FAM227B: variants seen among roughly 807,000 people sequenced by gnomAD.
FAM227B encodes family with sequence similarity 227 member B, also known as protein FAM227B.
FAM227B carries 88 observed loss-of-function variants against 73.8 expected under a neutral mutation model. The ratio of observed to expected loss-of-function variants is 1.19; its 90% confidence interval spans 1.00 to 1.42. The LOEUF is 1.42. Among genes scored for constraint, FAM227B ranks in the 40% most tolerant of loss-of-function variants. The pLI, the probability that FAM227B is intolerant of heterozygous loss-of-function variation, is 0.00. For synonymous variants in FAM227B, 210 were observed against 190.5 expected (o/e 1.10, Z -0.84); for missense variants, 632 against 590.9 (o/e 1.07, Z -0.72).
chr15:49,620,370 GT>G (rs543437509), intron 1 of FAM227B, among the ~76,000 whole-genome samples: 137 of 152,266 alleles, frequency 9.0e-4, no homozygotes, highest in African/African-American at 3.1e-3. Context: ...TGACCATTGT[GT>G]TTTAAAATCT....
At chr15:49,599,823 C>T (rs938873471) in intron 3 of FAM227B, among the ~76,000 whole-genome samples, 21 of 151,960 alleles carry the variant, frequency 1.4e-4, no homozygotes, top group African/African-American at 4.6e-4. Flanking sequence ...TTTTGTGGCC[C>T]AATATATAAT....
chr15:49,610,750 C>T (rs1247018366), intron 3 of FAM227B, among the ~76,000 whole-genome samples: 2 of 152,030 alleles, frequency 1.3e-5, no homozygotes, highest in South Asian at 2.1e-4. Flanking sequence ...TAACCCCAGG[C>T]GAAGTCAGTA....
intron 3 of FAM227B, among the ~76,000 whole-genome samples, chr15:49,591,613 G>A (rs2076582997): frequency 6.8e-6 from 1 of 147,596 alleles, no homozygotes; most frequent in South Asian, 2.2e-4. Context: ...AGCCTCCCAA[G>A]TAGCTGGGAT....
At chr15:49,602,056 A>G (rs1475543349) in intron 3 of FAM227B, among the ~76,000 whole-genome samples, 2 of 152,176 alleles carry the variant, frequency 1.3e-5, no homozygotes, top group Non-Finnish European at 2.9e-5. Context: ...ATGGACACTT[A>G]AGATTGCTTC....
chr15:49,535,377 A>T (rs1329210048), intron 10 of FAM227B, among the ~76,000 whole-genome samples: 2 of 151,800 alleles, frequency 1.3e-5, no homozygotes, highest in African/African-American at 4.8e-5. Flanking sequence ...ATCAGGAAGA[A>T]ATAGGAAGCT....
chr15:49,609,885 T>C (rs1444680763), intron 3 of FAM227B, among the ~76,000 whole-genome samples: 6 of 152,056 alleles, frequency 3.9e-5, no homozygotes, highest in South Asian at 4.1e-4. Flanking sequence ...ATGATACAGA[T>C]GGATATGTTG....
chr15:49,328,883 T>C, intron 15 of FAM227B: 2 of 1,312,230 alleles, frequency 1.5e-6, no homozygotes, highest in Non-Finnish European at 1.9e-6. Context: ...CTTTTGGCCC[T>C]GAGCTATCTC....
At chr15:49,361,237 T>C (rs1011042106) in intron 13 of FAM227B, among the ~76,000 whole-genome samples, 5 of 152,146 alleles carry the variant, frequency 3.3e-5, no homozygotes, top group African/African-American at 7.2e-5. Flanking sequence ...TTACCTATGA[T>C]GCAAATTTTT....
rs1427314850 is a variant in FAM227B, at chr15:49,525,699, T to C, written c.874+15981A>G. Among the ~76,000 whole-genome samples, 61 of 64,120 alleles carry C rather than the reference T, an allele frequency of 9.5e-4. 4 individuals carry two copies. The East Asian group carries it at 0.015, about 16-fold the overall frequency. 42.1% of individuals were successfully genotyped at this position (64,120 alleles called of 152,430 possible). On this transcript the variant is annotated intron_variant, in intron 10 of 15. Transcript: ENST00000299338. ...ATATATATATATATATATATATATA[T>C]ATATATATATATATATATATCACAA...
rs796357827 is a variant in FAM227B, at chr15:49,551,598, TTATTGG to T, written c.748-9798_748-9793del. Among the ~76,000 whole-genome samples the T allele has an allele frequency of 2.0e-3, 300 of 152,322 alleles. 1 individual carries two copies. The highest frequency in any genetic ancestry group is 6.9e-3 in the African/African-American group (287 of 41,570). The stretch of plus-strand genomic sequence containing the variant: ...TTTAGTCCACTTACACTCAATATTA[TTATTGG>T]TAAGTAAGGGTTTACTTCTGTGATT... On this transcript the variant is annotated intron_variant, in intron 9 of 15. Transcript: ENST00000299338.
chr15:49,446,124 A>G (rs758087607), intron 11 of FAM227B, among the ~76,000 whole-genome samples: 1 of 151,596 alleles, frequency 6.6e-6, no homozygotes, highest in Non-Finnish European at 1.5e-5. Context: ...TAATTAGTGT[A>G]TTATAATTGG....
At chr15:49,570,904 G>A (rs1041921713) in intron 8 of FAM227B, among the ~76,000 whole-genome samples, 2 of 146,002 alleles carry the variant, frequency 1.4e-5, no homozygotes, top group South Asian at 4.3e-4. Context: ...ATATTATTAT[G>A]AATATATTTA....
chr15:49,598,487 A>G (rs1007569098), intron 3 of FAM227B, among the ~76,000 whole-genome samples: 1 of 151,936 alleles, frequency 6.6e-6, no homozygotes, highest in African/African-American at 2.4e-5. Context: ...CAATACCATA[A>G]TGAATAGGAG....
intron 14 of FAM227B, chr15:49,334,199 A>C (rs2039300603): frequency 3.4e-5 from 33 of 964,528 alleles, no homozygotes; most frequent in Non-Finnish European, 3.9e-5. Flanking sequence ...AGCACTACCA[A>C]GCTGAATAAG....
At chr15:49,424,122 C>T in intron 11 of FAM227B, 1 of 528,126 alleles carries the variant, frequency 1.9e-6, no homozygotes, top group Non-Finnish European at 3.3e-6. Flanking sequence ...AGGAGGAATC[C>T]TGTGTTGTTA....
intron 5 of FAM227B, 43 bp from the exon 6 acceptor site, chr15:49,577,707 A>G: frequency 7.9e-7 from 1 of 1,267,690 alleles, no homozygotes; most frequent in Non-Finnish European, 1.1e-6. Context: ...TCTAAATTAA[A>G]GAAATTTTAC....
At chr15:49,337,896 G>A (rs954323845) in intron 13 of FAM227B, among the ~76,000 whole-genome samples, 5 of 152,066 alleles carry the variant, frequency 3.3e-5, no homozygotes, top group African/African-American at 1.2e-4. Flanking sequence ...TCTTTATCCA[G>A]TCTATCACTG....
intron 11 of FAM227B, among the ~76,000 whole-genome samples, chr15:49,388,275 A>G (rs1030915751): frequency 2.0e-5 from 3 of 151,974 alleles, no homozygotes; most frequent in African/African-American, 4.8e-5. Context: ...TACTGATACA[A>G]AAGTGGGCAC....
intron 13 of FAM227B, among the ~76,000 whole-genome samples, chr15:49,354,532 T>A (rs1243342627): frequency 7.9e-5 from 12 of 152,202 alleles, no homozygotes; most frequent in Admixed American, 7.9e-4. Flanking sequence ...TACTGCACTT[T>A]TCCGACCGGC....
Sources: gnomAD v4.1 joint callset for allele counts (sites outside exome capture counted in the v4.1 genomes callset) on GRCh38, gnomAD v4.1.1 for gene constraint, MANE v1.5 for transcripts, NCBI Gene and HGNC (gene_info 2026-07-23, HGNC 2026-07-21) for gene names.